VWA2: variants seen among roughly 807,000 people sequenced by gnomAD.
VWA2 encodes von Willebrand factor A domain-containing protein 2.
In VWA2, 73 loss-of-function variants were observed where a neutral mutation model predicts 70.4. The observed-to-expected ratio is 1.04, with a 90% CI of 0.86 to 1.26. VWA2 has a LOEUF of 1.26. Ranked by LOEUF, VWA2 falls within the 50% of genes most tolerant of loss-of-function variation. The pLI, the probability that VWA2 is intolerant of heterozygous loss-of-function variation, is 0.00. For missense variants in VWA2, 1,011 were observed against 998.5 expected (o/e 1.01, Z -0.17); for synonymous variants, 407 against 423.3 (o/e 0.96, Z 0.47).
chr10:114,278,690 G>A (rs559472420), intron 7 of VWA2, 29 bp from the exon 8 acceptor site: 65 of 1,611,362 alleles, frequency 4.0e-5, no homozygotes, highest in South Asian at 4.0e-4. Flanking sequence ...TGTCTCCTCC[G>A]TGGGTGTGGG....
intron 1 of VWA2, chr10:114,246,241 C>G: frequency 1.2e-6 from 1 of 860,266 alleles, no homozygotes; most frequent in East Asian, 2.6e-5. Flanking sequence ...TGGCTCACGC[C>G]TGTAATCCCA....
At chr10:114,282,017 C>CTTTTTTTTTTTTTTTTTTTTTTT (rs144974085) in intron 8 of VWA2, among the ~76,000 whole-genome samples, 1 of 119,704 alleles carries the variant, frequency 8.4e-6, no homozygotes. Context: ...CTTATGTTAC[C>CTTTTTTTTTTTTTTTTTTTTTTT]TTTTTTTTTT....
At chr10:114,267,593 G>T (rs925363054) in intron 5 of VWA2, among the ~76,000 whole-genome samples, 2 of 145,676 alleles carry the variant, frequency 1.4e-5, no homozygotes, top group African/African-American at 5.3e-5. Context: ...CACCACACCT[G>T]GCTAATTTTT....
Position 114,286,027 on chromosome 10 carries a change from CAA to C in VWA2, c.1088_1089del (p.Lys363SerfsTer42). 1 of 1,614,168 alleles carries C rather than the reference CAA, an allele frequency of 6.2e-7. No individual in the cohort carries two copies. The highest frequency in any genetic ancestry group is 8.5e-7 in the Non-Finnish European group (1 of 1,180,026). ...CCACTCTGGACGGCTTCCTGCGGGC[CAA>C]AGTCTTCGTGAAGCGGTTTGTGCGG... ...GTTLDGFLRA[K>X]VFVKRFVRAV... On this transcript the variant is annotated frameshift_variant, in exon 11 of 14. Coordinates refer to ENST00000392982, the MANE Select transcript of VWA2 (RefSeq NM_001272046.2). LOFTEE classifies it high-confidence loss of function.
intron 4 of VWA2, 66 bp from the exon 5 acceptor site, chr10:114,261,117 CCTT>C: frequency 8.5e-7 from 1 of 1,175,292 alleles, no homozygotes. Flanking sequence ...TTTTCTTGCC[CCTT>C]CTTTCCTCTT....
chr10:114,268,729 C>T (rs1413393090), intron 5 of VWA2, among the ~76,000 whole-genome samples: 5 of 149,184 alleles, frequency 3.4e-5, no homozygotes, highest in African/African-American at 1.2e-4. Flanking sequence ...GAGTCTCGCT[C>T]TGTCGCTGAG....
rs777913685 is a variant in VWA2, at chr10:114,245,036, G to A, written c.-10-3668G>A. On this transcript the variant is annotated intron_variant, in intron 1 of 13. Coordinates refer to ENST00000392982, the MANE Select transcript of VWA2 (RefSeq NM_001272046.2). ...AAACGTATCACTGGGCAGTTTCAGC[G>A]TGGGCTGTGTGACAGTAGGGATTGT... Among the ~76,000 whole-genome samples the A allele has an allele frequency of 1.8e-4, 28 of 152,216 alleles. 1 individual carries two copies. The highest frequency in any genetic ancestry group is 2.9e-5 in the Non-Finnish European group (2 of 68,040).
intron 1 of VWA2, among the ~76,000 whole-genome samples, chr10:114,242,426 G>A (rs2036988817): frequency 6.6e-6 from 1 of 152,122 alleles, no homozygotes; most frequent in African/African-American, 2.4e-5. Context: ...ATAGTACCAG[G>A]TGCATCTGCA....
intron 6 of VWA2, among the ~76,000 whole-genome samples, chr10:114,277,047 G>A (rs1470446440): frequency 6.6e-6 from 1 of 151,982 alleles, no homozygotes; most frequent in Non-Finnish European, 1.5e-5. Context: ...GAGGAGAATG[G>A]GAAGTTTTAC....
intron 5 of VWA2, among the ~76,000 whole-genome samples, chr10:114,267,423 C>T (rs2037595301): frequency 6.7e-6 from 1 of 148,714 alleles, no homozygotes; most frequent in South Asian, 2.1e-4. Flanking sequence ...GCTGGGTTTT[C>T]TTATGAATTA....
intron 5 of VWA2, among the ~76,000 whole-genome samples, chr10:114,268,806 T>C (rs1241037161): frequency 2.6e-5 from 4 of 152,034 alleles, no homozygotes; most frequent in Non-Finnish European, 4.4e-5. Flanking sequence ...GCCATTCTCC[T>C]GCCTCAGCCT....
intron 1 of VWA2, among the ~76,000 whole-genome samples, chr10:114,247,634 G>C (rs1034672452): frequency 1.3e-5 from 2 of 150,674 alleles, no homozygotes; most frequent in Non-Finnish European, 3.0e-5. Flanking sequence ...TGGCATGTGT[G>C]TAAACTTTAA....
intron 2 of VWA2, among the ~76,000 whole-genome samples, chr10:114,250,888 A>T (rs183254033): frequency 2.0e-5 from 3 of 152,274 alleles, no homozygotes; most frequent in Admixed American, 2.0e-4. Flanking sequence ...CAGCCTCCAG[A>T]TTGCAATCAC....
At chr10:114,281,868 C>A (rs541335096) in intron 8 of VWA2, 46 of 473,250 alleles carry the variant, frequency 9.7e-5, no homozygotes, top group Admixed American at 5.1e-4. Flanking sequence ...GGTCACACAG[C>A]CAAAATCCAG....
chr10:114,248,753 C>G lies in VWA2; in HGVS notation c.40C>G (p.Leu14Val). ...GTTGCTGGAAGCCGTCTGTGTTTTC[C>G]TGTTTTCCAGAGGTAAGATGTGTTT... The part of the protein sequence containing the change: ...FLLLEAVCVF[L>V]FSRVPPSLPL... The change falls in exon 2 of 14, where the codon CTG becomes GTG. Residue 14 changes from leucine to valine, a missense_variant. Coordinates refer to ENST00000392982, the MANE Select transcript of VWA2 (RefSeq NM_001272046.2). 1 of 1,613,618 alleles carries G rather than the reference C, an allele frequency of 6.2e-7. No homozygotes were observed. The highest frequency in any genetic ancestry group is 8.5e-7 in the Non-Finnish European group (1 of 1,179,620).
chr10:114,248,743 CTG>C lies in VWA2; in HGVS notation c.34_35del (p.Val12PhefsTer48), dbSNP rs1445928505. On this transcript the variant is annotated frameshift_variant, in exon 2 of 14. Coordinates refer to ENST00000392982, the MANE Select transcript of VWA2 (RefSeq NM_001272046.2). LOFTEE classifies it high-confidence loss of function. MPPFLLLEAV[C>X]VFLFSRVPPS... ...CCCCTTTCCTGTTGCTGGAAGCCGTCTGTGTTTTCCTGTTTTCCAGAGGTAAG... is the reference window on the plus strand; with the variant it reads ...CCCCTTTCCTGTTGCTGGAAGCCGTCTGTTTTCCTGTTTTCCAGAGGTAAG... The C allele has an allele frequency of 1.2e-6, 2 of 1,613,688 alleles. No individual in the cohort carries two copies. The highest frequency in any genetic ancestry group is 3.3e-5 in the Admixed American group (2 of 60,012).
intron 2 of VWA2, among the ~76,000 whole-genome samples, chr10:114,253,108 C>T (rs1415262872): frequency 1.3e-5 from 2 of 148,604 alleles, no homozygotes; most frequent in Non-Finnish European, 1.5e-5. Flanking sequence ...CCCTTATTGT[C>T]TTCCATCATG....
intron 2 of VWA2, among the ~76,000 whole-genome samples, 172 bp downstream of exon 2, chr10:114,248,937 G>T (rs1291182463): frequency 2.0e-5 from 3 of 152,080 alleles, no homozygotes; most frequent in Non-Finnish European, 2.9e-5. Context: ...GACCACTGCA[G>T]TAGCCTCCTG....
chr10:114,274,331 C>T (rs927729300), intron 6 of VWA2, among the ~76,000 whole-genome samples: 1 of 151,802 alleles, frequency 6.6e-6, no homozygotes, highest in Non-Finnish European at 1.5e-5. Flanking sequence ...CTGCTGTGTA[C>T]GAAATAGACT....
Sources: gnomAD v4.1 joint callset for allele counts (sites outside exome capture counted in the v4.1 genomes callset) on GRCh38, gnomAD v4.1.1 for gene constraint, MANE v1.5 for transcripts, NCBI Gene and HGNC (gene_info 2026-07-23, HGNC 2026-07-21) for gene names.